The following FANCB variants were observed in gnomAD, a reference collection of about 807,000 sequenced individuals.
FANCB encodes Fanconi anemia group B protein.
FANCB carries 5 observed loss-of-function variants against 38.9 expected under a neutral mutation model. That is an observed-to-expected ratio of 0.13 (90% CI 0.07 to 0.27). The LOEUF is 0.27. FANCB is among the 10% of genes least tolerant of loss of function. FANCB has a pLI of 1.00. For synonymous variants in FANCB, 236 were observed against 215.4 expected, an observed-to-expected ratio of 1.10 and a Z score of -0.84; for missense variants, 573 against 602.7, an observed-to-expected ratio of 0.95 and a Z score of 0.52.
chrX:14,827,147 A>G, the FANCB span, among the ~76,000 whole-genome samples: 2 of 111,810 alleles, frequency 1.8e-5, no homozygotes, highest in African/African-American at 3.2e-5. Context: ...ATATATTTTA[A>G]TATCCAGCAC....
chrX:14,812,775 A>C, the FANCB span, among the ~76,000 whole-genome samples: 1 of 111,395 alleles, frequency 9.0e-6, no homozygotes, highest in Non-Finnish European at 1.9e-5. Context: ...AAACTATTCC[A>C]ATCAACAGAA....
chrX:14,840,275 T>C (rs777969554), downstream of FANCB, among the ~76,000 whole-genome samples: 4 of 112,104 alleles, frequency 3.6e-5, no homozygotes, highest in Non-Finnish European at 7.5e-5. Flanking sequence ...TAAGGCTTGA[T>C]TGCCTTGTGA....
chrX:14,801,098 GC>G, the FANCB span, among the ~76,000 whole-genome samples: 1 of 111,577 alleles, frequency 9.0e-6, no homozygotes, highest in African/African-American at 3.3e-5. Context: ...CGTGGGCGTG[GC>G]TGCTGGAAGC....
the FANCB span, among the ~76,000 whole-genome samples, chrX:14,771,783 C>T: frequency 6.3e-5 from 7 of 111,883 alleles, no homozygotes; most frequent in Non-Finnish European, 1.1e-4. Context: ...TATCTACCTT[C>T]AATCTTTGAG....
the FANCB span, among the ~76,000 whole-genome samples, chrX:14,772,263 C>T: frequency 1.8e-5 from 2 of 111,896 alleles, no homozygotes; most frequent in South Asian, 7.5e-4. Context: ...AGCTCCATCC[C>T]AGGGAGATAT....
At chrX:14,754,739 T>G in the FANCB span, among the ~76,000 whole-genome samples, 1 of 110,390 alleles carries the variant, frequency 9.1e-6, no homozygotes, top group Non-Finnish European at 1.9e-5. Flanking sequence ...ACATGCAGGT[T>G]TTTAATATAG....
downstream of FANCB, chrX:14,834,847 C>T (rs2092337076): frequency 3.5e-6 from 2 of 568,384 alleles, no homozygotes; most frequent in Admixed American, 2.4e-5. Context: ...TCATCAGCAA[C>T]AAGTTTTACC....
chrX:14,787,411 G>A, the FANCB span, among the ~76,000 whole-genome samples: 4 of 109,671 alleles, frequency 3.6e-5, no homozygotes, highest in African/African-American at 1.3e-4. Flanking sequence ...ATGAGGGTGG[G>A]GATGTGGAAA....
At chrX:14,767,239 C>T in the FANCB span, among the ~76,000 whole-genome samples, 1 of 111,500 alleles carries the variant, frequency 9.0e-6, no homozygotes, top group East Asian at 2.8e-4. Flanking sequence ...GGTATTTCTG[C>T]CTCTAGGTCT....
At chrX:14,770,410 G>T in the FANCB span, among the ~76,000 whole-genome samples, 1 of 111,239 alleles carries the variant, frequency 9.0e-6, no homozygotes, top group Non-Finnish European at 1.9e-5. Flanking sequence ...TGTCTTTTTT[G>T]ATCTTTGTTG....
At chrX:14,860,668 A>T (rs2092442978) in intron 3 of FANCB, among the ~76,000 whole-genome samples, 1 of 112,275 alleles carries the variant, frequency 8.9e-6, no homozygotes, top group Non-Finnish European at 1.9e-5. Context: ...AAAAATTAAG[A>T]GATGTTACCA....
chrX:14,812,748 T>C, the FANCB span, among the ~76,000 whole-genome samples: 6 of 110,421 alleles, frequency 5.4e-5, no homozygotes, highest in Non-Finnish European at 1.1e-4. Flanking sequence ...AAGGAGGAAC[T>C]GGTACCATTC....
At chrX:14,852,130 G>A (rs2092403896) in intron 6 of FANCB, among the ~76,000 whole-genome samples, 1 of 109,872 alleles carries the variant, frequency 9.1e-6, no homozygotes, top group Non-Finnish European at 1.9e-5. Context: ...CTACATTAAT[G>A]TACTGACATA....
chrX:14,848,606 T>C (rs1403619184), intron 7 of FANCB, among the ~76,000 whole-genome samples: 1 of 111,980 alleles, frequency 8.9e-6, no homozygotes, highest in African/African-American at 3.3e-5. Context: ...CTGATTAATA[T>C]CTTGCTAATC....
chrX:14,720,138 A>ATAGCACT, the FANCB span, among the ~76,000 whole-genome samples: 1 of 111,401 alleles, frequency 9.0e-6, no homozygotes, highest in African/African-American at 3.3e-5. Flanking sequence ...CACTACAGTA[A>ATAGCACT]ACAATAATTT....
At chrX:14,848,215 T>C (rs1300145854) in intron 7 of FANCB, among the ~76,000 whole-genome samples, 1 of 111,926 alleles carries the variant, frequency 8.9e-6, no homozygotes, top group Non-Finnish European at 1.9e-5. Flanking sequence ...GCATGCAGGA[T>C]TGCATAAAGA....
intron 5 of FANCB, 41 bp downstream of exon 5, chrX:14,857,821 T>A (rs773564087): frequency 2.3e-6 from 2 of 880,209 alleles, no homozygotes; most frequent in Non-Finnish European, 3.4e-6. Context: ...TCATTTAGAA[T>A]AACACTAATC....
chrX:14,754,829 G>C, the FANCB span, among the ~76,000 whole-genome samples: 6 of 110,865 alleles, frequency 5.4e-5, no homozygotes, highest in Non-Finnish European at 9.4e-5. Context: ...GGGAATTCTT[G>C]CAAACTCATT....
chrX:14,775,177 T>G, the FANCB span, among the ~76,000 whole-genome samples: 2 of 97,987 alleles, frequency 2.0e-5, no homozygotes, highest in Non-Finnish European at 4.2e-5. Context: ...TTTTTTTTTT[T>G]TTTTTTTTTT....
Sources: allele counts gnomAD v4.1 joint callset (sites outside exome capture counted in the v4.1 genomes callset), GRCh38; gene constraint gnomAD v4.1.1; transcripts MANE v1.5; gene names NCBI Gene and HGNC (gene_info 2026-07-23, HGNC 2026-07-21).